RIC8B: variants seen among roughly 807,000 people sequenced by gnomAD.
The protein encoded by RIC8B is RIC8 guanine nucleotide exchange factor B, also known as chaperone Ric-8B.
Under a neutral mutation model 57.5 loss-of-function variants are expected in RIC8B, and 16 were observed. That is an observed-to-expected ratio of 0.28 (90% CI 0.19 to 0.42). RIC8B has a LOEUF of 0.42. Among genes scored for constraint, RIC8B ranks in the 10% least tolerant of loss-of-function variants. RIC8B has a pLI of 1.00. For missense variants in RIC8B, 481 were observed against 677.0 expected, an observed-to-expected ratio of 0.71 and a Z score of 3.21; for synonymous variants, 216 against 250.8, an observed-to-expected ratio of 0.86 and a Z score of 1.31.
intron 7 of RIC8B, among the ~76,000 whole-genome samples, chr12:106,852,528 A>T (rs1441560452): frequency 6.6e-6 from 1 of 152,212 alleles, no homozygotes; most frequent in Non-Finnish European, 1.5e-5. Flanking sequence ...TCATTATTAT[A>T]ATGGTGATTA....
At chr12:106,878,252 T>C (rs1349620541) in intron 9 of RIC8B, among the ~76,000 whole-genome samples, 1 of 152,116 alleles carries the variant, frequency 6.6e-6, no homozygotes, top group Non-Finnish European at 1.5e-5. Flanking sequence ...GGTTCAAGCC[T>C]AAAGGACACT....
intron 2 of RIC8B, among the ~76,000 whole-genome samples, chr12:106,793,480 A>G (rs1593110118): frequency 1.3e-5 from 2 of 152,252 alleles, no homozygotes; most frequent in African/African-American, 4.8e-5. Context: ...CCCAAAGGCC[A>G]GCTACTTTGC....
chr12:106,871,500 CA>C (rs1566169701), intron 9 of RIC8B: 1 of 66,576 alleles, frequency 1.5e-5, no homozygotes, highest in Non-Finnish European at 2.8e-5. Context: ...AAAAAAAAAC[CA>C]AAAAACTCCC....
intron 6 of RIC8B, among the ~76,000 whole-genome samples, chr12:106,846,474 T>A (rs184762317): frequency 2.0e-3 from 312 of 152,262 alleles, no homozygotes; most frequent in Non-Finnish European, 3.2e-3. Context: ...AGAGACCATC[T>A]TTGAGGAATT....
At chr12:106,776,230 A>G (rs1335548244) in intron 1 of RIC8B, among the ~76,000 whole-genome samples, 2 of 152,190 alleles carry the variant, frequency 1.3e-5, no homozygotes, top group Non-Finnish European at 2.9e-5. Flanking sequence ...CTATCTATTC[A>G]TATCTTAGCT....
At chr12:106,798,225 C>T (rs2044574608) in intron 2 of RIC8B, among the ~76,000 whole-genome samples, 1 of 151,902 alleles carries the variant, frequency 6.6e-6, no homozygotes, top group Non-Finnish European at 1.5e-5. Flanking sequence ...CTTTTTTCTT[C>T]CTTTCAAATT....
chr12:106,800,354 GAA>G (rs34879371), intron 2 of RIC8B, among the ~76,000 whole-genome samples: 28,743 of 151,968 alleles, frequency 0.19, 2,913 homozygotes, highest in East Asian at 0.31. Context: ...TGAGCAGGAG[GAA>G]GAGAGAGAGA....
At chr12:106,863,729 C>T (rs973914223) in intron 8 of RIC8B, among the ~76,000 whole-genome samples, 4 of 151,874 alleles carry the variant, frequency 2.6e-5, no homozygotes, top group African/African-American at 9.7e-5. Context: ...TCTAAAAGAC[C>T]AGAGGTAAAA....
At chr12:106,882,596 G>A (rs1950996397) in intron 9 of RIC8B, among the ~76,000 whole-genome samples, 1 of 152,094 alleles carries the variant, frequency 6.6e-6, no homozygotes, top group South Asian at 2.1e-4. Context: ...GCTTGCCCAA[G>A]ATCACACAGC....
chr12:106,786,188 C>T (rs1323833368), intron 2 of RIC8B, among the ~76,000 whole-genome samples: 4 of 105,458 alleles, frequency 3.8e-5, no homozygotes, highest in Admixed American at 1.4e-4. Flanking sequence ...CTTGCTGTTT[C>T]GCCCAGGCTG....
At chr12:106,845,116 C>CT (rs940295481) in intron 6 of RIC8B, among the ~76,000 whole-genome samples, 2 of 152,174 alleles carry the variant, frequency 1.3e-5, no homozygotes, top group African/African-American at 4.8e-5. Flanking sequence ...CCATACATCT[C>CT]TAACTAGCAC....
At chr12:106,796,893 G>A (rs562036009) in intron 2 of RIC8B, among the ~76,000 whole-genome samples, 173 of 152,238 alleles carry the variant, frequency 1.1e-3, no homozygotes, top group African/African-American at 3.9e-3. Flanking sequence ...CTTTTCCAAA[G>A]AAGATATACA....
At position 106,814,870 on chromosome 12, in the gene RIC8B, G is replaced by T. The variant is rs1302770739; in HGVS notation, c.307G>T (p.Asp103Tyr). The change falls in exon 3 of 10, where the codon GAT (aspartate) becomes TAT (tyrosine). Residue 103 changes from aspartate to tyrosine, a missense_variant. Asp to Tyr is a radical substitution (Grantham distance 160). Coordinates refer to ENST00000392837, the MANE Select transcript of RIC8B (RefSeq NM_001330145.2). ...ACTAGCCAAGCTAAATGAGTTAGAT[G>T]ATTCTTTGGAGAAAGTATCAGAGTT... is the stretch of plus-strand genomic sequence containing the variant. ...LRLAKLNELDDSLEKVSEFPV... is the reference protein window; with the variant it reads ...LRLAKLNELDYSLEKVSEFPV... The T allele has an allele frequency of 6.2e-7, 1 of 1,614,160 alleles. No homozygotes were observed. The highest frequency in any genetic ancestry group is 1.1e-5 in the South Asian group (1 of 91,074).
chr12:106,844,498 G>T (rs1949097928), intron 6 of RIC8B, among the ~76,000 whole-genome samples: 2 of 152,210 alleles, frequency 1.3e-5, no homozygotes, highest in Admixed American at 1.3e-4. Flanking sequence ...ATGCAAGGGG[G>T]AGAGTGGTAG....
intron 4 of RIC8B, among the ~76,000 whole-genome samples, chr12:106,837,966 A>G (rs2046693726): frequency 6.6e-6 from 1 of 152,164 alleles, no homozygotes; most frequent in African/African-American, 2.4e-5. Context: ...CGTTGCCTGA[A>G]TCATTTCAGA....
chr12:106,882,552 C>A, intron 9 of RIC8B, among the ~76,000 whole-genome samples: 1 of 152,228 alleles, frequency 6.6e-6, no homozygotes, highest in Non-Finnish European at 1.5e-5. Context: ...TATCACGACC[C>A]CCATTTCACT....
chr12:106,812,639 A>T (rs2045386398), intron 2 of RIC8B, among the ~76,000 whole-genome samples: 1 of 152,112 alleles, frequency 6.6e-6, no homozygotes, highest in South Asian at 2.1e-4. Context: ...AACAAAGGTG[A>T]TCTGACTCCA....
chr12:106,850,334 T>G (rs549336787), intron 6 of RIC8B, among the ~76,000 whole-genome samples: 1 of 152,262 alleles, frequency 6.6e-6, no homozygotes, highest in Non-Finnish European at 1.5e-5. Context: ...AGATCACAAA[T>G]TGAGTAAAAA....
chr12:106,876,492 C>T (rs1351790053), intron 9 of RIC8B, among the ~76,000 whole-genome samples: 1 of 151,996 alleles, frequency 6.6e-6, no homozygotes, highest in Non-Finnish European at 1.5e-5. Context: ...TGTAAGGTTG[C>T]TTGGAAATTG....
Sources: allele counts gnomAD v4.1 joint callset (sites outside exome capture counted in the v4.1 genomes callset), GRCh38; gene constraint gnomAD v4.1.1; transcripts MANE v1.5; gene names NCBI Gene and HGNC (gene_info 2026-07-23, HGNC 2026-07-21).